KANK1: variants seen among roughly 807,000 people sequenced by gnomAD.
The protein encoded by KANK1 is KN motif and ankyrin repeat domain-containing protein 1.
A neutral mutation model predicts 106.2 loss-of-function variants in KANK1; 109 were observed. That is an observed-to-expected ratio of 1.03 (90% CI 0.88 to 1.20). The LOEUF (loss-of-function observed/expected upper bound fraction) is 1.20, where lower values mean the gene tolerates loss of function less well. Among genes scored for constraint, KANK1 ranks in the 50% most tolerant of loss-of-function variants. The pLI, the probability that KANK1 is intolerant of heterozygous loss-of-function variation, is 0.00. For missense variants in KANK1, 2,399 were observed against 1,710.7 expected (o/e 1.40, Z -7.10); for synonymous variants, 873 against 652.2 (o/e 1.34, Z -5.16).
At chr9:641,187 C>T (rs1038496773) in intron 1 of KANK1, among the ~76,000 whole-genome samples, 1 of 152,128 alleles carries the variant, frequency 6.6e-6, no homozygotes, top group Non-Finnish European at 1.5e-5. Flanking sequence ...GTGAGAAATG[C>T]AGTAAGAAAC....
chr9:690,438 A>G (rs1186344672), intron 2 of KANK1, among the ~76,000 whole-genome samples: 1 of 152,220 alleles, frequency 6.6e-6, no homozygotes, highest in Non-Finnish European at 1.5e-5. Flanking sequence ...TATGCATGAC[A>G]TAAGCTTCAT....
intron 2 of KANK1, among the ~76,000 whole-genome samples, chr9:710,219 AT>A (rs1825562216): frequency 6.6e-6 from 1 of 152,216 alleles, no homozygotes; most frequent in Non-Finnish European, 1.5e-5. Flanking sequence ...GTTTTAAAAA[AT>A]AATACAATCA....
chr9:471,630 C>G (rs937077248), intron 2 of KANK1: 11 of 152,206 alleles, frequency 7.2e-5, no homozygotes, highest in African/African-American at 2.7e-4. Flanking sequence ...CTGCCAGATG[C>G]GGTGGCTCAC....
At chr9:550,322 A>C (rs1587723618) in intron 1 of KANK1, among the ~76,000 whole-genome samples, 1 of 151,748 alleles carries the variant, frequency 6.6e-6, no homozygotes, top group Non-Finnish European at 1.5e-5. Flanking sequence ...TACCAAAAAA[A>C]CCTCCTTCTT....
At chr9:678,267 T>C (rs968172507) in intron 2 of KANK1, among the ~76,000 whole-genome samples, 1 of 152,172 alleles carries the variant, frequency 6.6e-6, no homozygotes, top group Non-Finnish European at 1.5e-5. Context: ...AATGATAATA[T>C]CTAACATTCA....
chr9:518,225 A>C (rs112892996), intron 1 of KANK1, among the ~76,000 whole-genome samples: 12,153 of 151,678 alleles, frequency 0.08, 671 homozygotes, highest in Non-Finnish European at 0.12. Context: ...AGTGTTGTAA[A>C]CCTCTGACCT....
At chr9:505,551 C>T (rs1440995058) in intron 1 of KANK1, among the ~76,000 whole-genome samples, 2 of 152,218 alleles carry the variant, frequency 1.3e-5, no homozygotes, top group African/African-American at 2.4e-5. Flanking sequence ...CTTGACCGTT[C>T]ATCTCCTTCA....
chr9:506,553 T>C (rs1170874019), intron 1 of KANK1, among the ~76,000 whole-genome samples: 1 of 148,640 alleles, frequency 6.7e-6, no homozygotes, highest in African/African-American at 2.6e-5. Flanking sequence ...TGTGTGCGTG[T>C]GCGTGCGCGC....
At chr9:482,755 C>G (rs902764032) in intron 3 of KANK1, among the ~76,000 whole-genome samples, 1 of 152,346 alleles carries the variant, frequency 6.6e-6, no homozygotes, top group East Asian at 1.9e-4. Flanking sequence ...AAACAATACA[C>G]GCATTTGATG....
At chr9:505,524 C>T (rs1479589972) in intron 1 of KANK1, among the ~76,000 whole-genome samples, 1 of 152,222 alleles carries the variant, frequency 6.6e-6, no homozygotes, top group Non-Finnish European at 1.5e-5. Flanking sequence ...CAGTGGCGCT[C>T]GCGGCAGCCA....
At chr9:653,527 C>T (rs975451294) in intron 1 of KANK1, among the ~76,000 whole-genome samples, 2 of 152,078 alleles carry the variant, frequency 1.3e-5, no homozygotes, top group Non-Finnish European at 2.9e-5. Flanking sequence ...TGGGTCTGGC[C>T]TCTTTTGGAT....
At chr9:531,452 T>C (rs187446859) in intron 1 of KANK1, among the ~76,000 whole-genome samples, 1 of 152,268 alleles carries the variant, frequency 6.6e-6, no homozygotes, top group East Asian at 1.9e-4. Context: ...AATAAAGTAG[T>C]ACTTAATTTG....
chr9:520,512 A>G (rs1390868260), intron 1 of KANK1, among the ~76,000 whole-genome samples: 8 of 151,718 alleles, frequency 5.3e-5, no homozygotes, highest in Non-Finnish European at 1.0e-4. Flanking sequence ...AGATGCTATA[A>G]GTCACGTGAC....
In KANK1 at chr9:697,095, TGTGTGTGTGTC is replaced by T. The variant is rs1441786789; in HGVS notation, c.38-13708_38-13698del. Among the ~76,000 whole-genome samples, 4 of 152,006 alleles carry T rather than the reference TGTGTGTGTGTC, an allele frequency of 2.6e-5. No homozygotes were observed. The South Asian group carries it at 6.3e-4, about 24-fold the overall frequency. ...TTCCATCTGTGTGTGTGTGTGTGTG[TGTGTGTGTGTC>T]TGTGTGTAGAAATGCAGTTGTCATG... is the stretch of plus-strand genomic sequence containing the variant. On this transcript the variant is annotated intron_variant, in intron 2 of 11. Transcript: ENST00000382297.
Position 684,425 on chromosome 9 carries a change from A to T in KANK1, c.37+7416A>T, listed in dbSNP as rs958808069. The stretch of plus-strand genomic sequence containing the variant: ...AGAAAGAAAAAAACACATACAAAAT[A>T]AACACCCAACAGGGAGATTCGCTGT... On this transcript the variant is annotated intron_variant, in intron 2 of 11. Coordinates refer to ENST00000382297, the MANE Select transcript of KANK1 (RefSeq NM_015158.5). 8.1e-6 allele frequency: 8 copies of T among 985,262 alleles called. No individual in the cohort carries two copies. The African/African-American group carries it at 1.4e-4, about 17-fold the overall frequency. The allele number at this position is 985,262 out of a possible 1,614,324, so 61.0% of individuals were successfully genotyped here. A position where few individuals can be genotyped will look rare whatever the true frequency, so the allele number is the denominator to read the frequency against.
intron 8 of KANK1, 45 bp from the exon 9 acceptor site, chr9:740,747 G>C (rs1332187647): frequency 3.1e-6 from 5 of 1,588,202 alleles, no homozygotes; most frequent in Non-Finnish European, 4.3e-6. Context: ...GCTGCTATTA[G>C]AAGGGGCTGC....
At chr9:609,402 C>G (rs941302402) in intron 1 of KANK1, among the ~76,000 whole-genome samples, 8 of 152,200 alleles carry the variant, frequency 5.3e-5, no homozygotes, top group African/African-American at 1.9e-4. Flanking sequence ...CCGAGGAGGG[C>G]GGATCACCTG....
intron 4 of KANK1, 140 bp from the exon 5 acceptor site, chr9:731,018 A>G (rs924610072): frequency 1.3e-5 from 6 of 459,280 alleles, no homozygotes; most frequent in Non-Finnish European, 2.0e-5. Flanking sequence ...ACACTTTCCC[A>G]TTGAATTTTG....
chr9:648,826 T>G (rs1193282753), intron 1 of KANK1, among the ~76,000 whole-genome samples: 1 of 152,206 alleles, frequency 6.6e-6, no homozygotes, highest in Non-Finnish European at 1.5e-5. Context: ...CATGTTTGGT[T>G]TAAAATAGAA....
Sources: gnomAD v4.1 joint callset for allele counts (sites outside exome capture counted in the v4.1 genomes callset) on GRCh38, gnomAD v4.1.1 for gene constraint, MANE v1.5 for transcripts, NCBI Gene and HGNC (gene_info 2026-07-23, HGNC 2026-07-21) for gene names.